EFNA5: variants seen among roughly 807,000 people sequenced by gnomAD.
The protein encoded by EFNA5 is ephrin A5, also known as ephrin-A5.
Under a neutral mutation model 22.9 loss-of-function variants are expected in EFNA5, and 5 were observed. The ratio of observed to expected loss-of-function variants is 0.22; its 90% CI spans 0.11 to 0.46. The LOEUF is 0.46. EFNA5 is among the 20% of genes least tolerant of loss of function. The probability of loss-of-function intolerance (pLI) is 0.99; values close to 1 mark genes in which losing one functional copy is unlikely to be tolerated. For synonymous variants in EFNA5, 113 were observed against 112.2 expected (o/e 1.01, Z -0.04); for missense variants, 237 against 293.3 (o/e 0.81, Z 1.40).
At chr5:107,554,478 T>A (rs1748365386) in intron 1 of EFNA5, among the ~76,000 whole-genome samples, 1 of 152,200 alleles carries the variant, frequency 6.6e-6, no homozygotes, top group Admixed American at 6.5e-5. Flanking sequence ...ATAATACATG[T>A]AAAAGCAGAA....
intron 1 of EFNA5, among the ~76,000 whole-genome samples, chr5:107,650,964 T>C (rs890922714): frequency 2.0e-5 from 3 of 152,242 alleles, no homozygotes; most frequent in African/African-American, 7.2e-5. Flanking sequence ...TGCCAAATTA[T>C]GGCTTGCTAC....
At chr5:107,669,019 G>C (rs1751128061) in intron 1 of EFNA5, among the ~76,000 whole-genome samples, 1 of 152,106 alleles carries the variant, frequency 6.6e-6, no homozygotes, top group African/African-American at 2.4e-5. Context: ...GCGGCTACCT[G>C]AGTAAGACTA....
At chr5:107,593,170 A>G (rs951721475) in intron 1 of EFNA5, among the ~76,000 whole-genome samples, 2 of 152,156 alleles carry the variant, frequency 1.3e-5, no homozygotes, top group Non-Finnish European at 2.9e-5. Flanking sequence ...GAGTGAGCCC[A>G]TGACTGGAAG....
intron 2 of EFNA5, among the ~76,000 whole-genome samples, chr5:107,399,333 A>AGGAAAGGAAG (rs1748023215): frequency 6.8e-6 from 1 of 147,090 alleles, no homozygotes; most frequent in Admixed American, 6.8e-5. Flanking sequence ...AGGAAAGGAA[A>AGGAAAGGAAG]GGAAAGGAAA....
At chr5:107,410,097 C>T (rs1258781805) in intron 2 of EFNA5, among the ~76,000 whole-genome samples, 14 of 141,730 alleles carry the variant, frequency 9.9e-5, no homozygotes, top group African/African-American at 2.7e-4. Flanking sequence ...GGCGCGATCT[C>T]GGTTCATGCA....
At chr5:107,569,653 C>T (rs1458264916) in intron 1 of EFNA5, among the ~76,000 whole-genome samples, 1 of 141,644 alleles carries the variant, frequency 7.1e-6, no homozygotes, top group African/African-American at 2.5e-5. Context: ...AGTTCATGAC[C>T]AGCCTGGCCA....
At chr5:107,426,993 G>A (rs1424830038) in intron 2 of EFNA5, 1 of 530,494 alleles carries the variant, frequency 1.9e-6, no homozygotes. Flanking sequence ...GTGGTTCAGT[G>A]AACAGGCTGA....
chr5:107,670,726 G>C lies in EFNA5; in HGVS notation c.-113C>G. ...GAGAGAGCGGGCGCCAAATAAATAT[G>C]AATAAATAAAAATGAAAGTGGGCGA... On this transcript the variant is annotated 5_prime_UTR_variant, in exon 1 of 5. Transcript: ENST00000333274. The C allele has an allele frequency of 1.4e-6, 2 of 1,433,448 alleles. No homozygotes were observed. The highest frequency in any genetic ancestry group is 1.9e-6 in the Non-Finnish European group (2 of 1,071,348). 88.8% of individuals were successfully genotyped at this position (1,433,448 alleles called of 1,614,324 possible).
At chr5:107,620,979 A>C (rs1209354372) in intron 1 of EFNA5, among the ~76,000 whole-genome samples, 1 of 152,190 alleles carries the variant, frequency 6.6e-6, no homozygotes, top group South Asian at 2.1e-4. Flanking sequence ...AGAATGGAAC[A>C]TTAGGGAAGG....
intron 2 of EFNA5, among the ~76,000 whole-genome samples, chr5:107,400,498 C>T (rs981418220): frequency 2.0e-5 from 3 of 152,130 alleles, no homozygotes; most frequent in Non-Finnish European, 4.4e-5. Flanking sequence ...CAGCTCCCTA[C>T]TAGTATAACT....
chr5:107,519,216 C>A (rs1008230550), intron 1 of EFNA5, among the ~76,000 whole-genome samples: 4 of 151,630 alleles, frequency 2.6e-5, no homozygotes, highest in East Asian at 2.0e-4. Flanking sequence ...ATCAAAATAT[C>A]CTAATTCTAA....
chr5:107,559,195 C>T (rs1384151787), intron 1 of EFNA5, among the ~76,000 whole-genome samples: 1 of 152,206 alleles, frequency 6.6e-6, no homozygotes, highest in East Asian at 1.9e-4. Context: ...ATCACCACTG[C>T]CTCTCCCACC....
At chr5:107,604,559 C>T (rs552782529) in intron 1 of EFNA5, among the ~76,000 whole-genome samples, 10 of 152,126 alleles carry the variant, frequency 6.6e-5, no homozygotes, top group African/African-American at 2.4e-4. Flanking sequence ...CAAAAAATAA[C>T]ATGGAAAAAG....
intron 1 of EFNA5, among the ~76,000 whole-genome samples, chr5:107,435,359 C>T (rs968201205): frequency 7.7e-6 from 1 of 130,538 alleles, no homozygotes; most frequent in Admixed American, 8.8e-5. Flanking sequence ...GAGGTTAAAG[C>T]ATCGAATACA....
At chr5:107,420,382 TTG>T (rs1262292374) in intron 2 of EFNA5, among the ~76,000 whole-genome samples, 1 of 150,826 alleles carries the variant, frequency 6.6e-6, no homozygotes, top group Admixed American at 6.6e-5. Flanking sequence ...CAGAAAAGAG[TTG>T]TGATTATTAC....
intron 2 of EFNA5, among the ~76,000 whole-genome samples, chr5:107,405,441 A>G (rs1339901793): frequency 6.6e-6 from 1 of 152,130 alleles, no homozygotes; most frequent in Non-Finnish European, 1.5e-5. Flanking sequence ...AGATTCACTC[A>G]TTTTTACCTT....
chr5:107,407,903 A>G (rs1161725504), intron 2 of EFNA5, among the ~76,000 whole-genome samples: 1 of 152,202 alleles, frequency 6.6e-6, no homozygotes, highest in Non-Finnish European at 1.5e-5. Context: ...ATATGGTCAG[A>G]GACACAGTCT....
At chr5:107,412,563 C>CAT (rs1748397691) in intron 2 of EFNA5, among the ~76,000 whole-genome samples, 1 of 152,088 alleles carries the variant, frequency 6.6e-6, no homozygotes, top group African/African-American at 2.4e-5. Flanking sequence ...AGAAAAAGAA[C>CAT]ATTTCTCCAC....
intron 1 of EFNA5, among the ~76,000 whole-genome samples, chr5:107,464,082 G>A (rs1350001893): frequency 6.6e-6 from 1 of 152,116 alleles, no homozygotes; most frequent in East Asian, 1.9e-4. Context: ...AATGACTACA[G>A]TGAGGGGACA....
Sources: allele counts gnomAD v4.1 joint callset (sites outside exome capture counted in the v4.1 genomes callset), GRCh38; gene constraint gnomAD v4.1.1; transcripts MANE v1.5; gene names NCBI Gene and HGNC (gene_info 2026-07-23, HGNC 2026-07-21).